MSH4: variants seen among roughly 807,000 people sequenced by gnomAD.
MSH4 encodes the protein mutS homolog 4, also known as mutS protein homolog 4.
In MSH4, 106 loss-of-function variants were observed where a neutral mutation model predicts 113.7. The observed-to-expected ratio is 0.93, with a 90% CI of 0.80 to 1.10. The LOEUF is 1.10. MSH4 is among the 50% of genes least tolerant of loss of function. MSH4 has a pLI of 0.00. For synonymous variants in MSH4, 368 were observed against 380.2 expected (o/e 0.97, Z 0.37); for missense variants, 1,061 against 1,093.7 (o/e 0.97, Z 0.42).
chr1:75,817,994 C>A (rs1650327226), intron 6 of MSH4, among the ~76,000 whole-genome samples: 2 of 152,176 alleles, frequency 1.3e-5, no homozygotes, highest in African/African-American at 4.8e-5. Context: ...ATCTAGCCTT[C>A]AGAGTATATA....
intron 7 of MSH4, among the ~76,000 whole-genome samples, chr1:75,834,877 C>T (rs750974108): frequency 3.3e-5 from 5 of 152,140 alleles, no homozygotes; most frequent in African/African-American, 4.8e-5. Context: ...ACATATGTAA[C>T]AAACCTGCAC....
At chr1:75,845,034 G>A (rs1651046514) in intron 7 of MSH4, among the ~76,000 whole-genome samples, 1 of 152,210 alleles carries the variant, frequency 6.6e-6, no homozygotes, top group Admixed American at 6.5e-5. Flanking sequence ...TCCAGAACAA[G>A]TAACCCACTT....
chr1:75,848,251 T>C lies in MSH4; in HGVS notation c.1205T>C (p.Leu402Ser), dbSNP rs1651117018. ...FLDTEQLLSV[L>S]VQIPKQDTVN... ...GATACAGAGCAGCTTCTTTCTGTTTTAGTCCAAATTCCAAAGCAAGACACG... is the reference window on the plus strand; with the variant it reads ...GATACAGAGCAGCTTCTTTCTGTTTCAGTCCAAATTCCAAAGCAAGACACG... The change falls in exon 8 of 20, where the codon TTA becomes TCA. Residue 402 changes from leucine (L) to serine (S), a missense_variant. Coordinates refer to ENST00000263187, the MANE Select transcript of MSH4 (RefSeq NM_002440.4). The C allele has an allele frequency of 8.1e-6, 13 of 1,608,634 alleles. No homozygotes were observed. The highest frequency in any genetic ancestry group is 1.1e-5 in the Non-Finnish European group (13 of 1,175,858).
chr1:75,885,074 T>C (rs1454617032), intron 15 of MSH4, among the ~76,000 whole-genome samples: 1 of 141,944 alleles, frequency 7.0e-6, no homozygotes, highest in Non-Finnish European at 1.5e-5. Flanking sequence ...TATATATATA[T>C]ACCAGCCAGG....
At chr1:75,881,160 G>T in intron 13 of MSH4, 86 bp from the exon 14 acceptor site, 2 of 1,020,998 alleles carry the variant, frequency 2.0e-6, no homozygotes, top group South Asian at 1.6e-5. Context: ...TTTACTTCAG[G>T]CAATGAATTT....
chr1:75,815,184 A>G lies in MSH4; in HGVS notation c.815+48A>G, dbSNP rs112716056. ...TTTTTACTAGCCCACAGCTACCAAT[A>G]TCATATCAAGTAAGTTATAACTTAA... On this transcript the variant is annotated intron_variant, in intron 5 of 19. Transcript: ENST00000263187. The G allele has an allele frequency of 5.1e-6, 5 of 976,122 alleles. No individual in the cohort carries two copies. In the African/African-American group the frequency reaches 5.1e-5, roughly 10 times the overall value. 60.5% of individuals were successfully genotyped at this position (976,122 alleles called of 1,614,324 possible). A position where few individuals can be genotyped will look rare whatever the true frequency, so the allele number is the denominator to read the frequency against.
intron 19 of MSH4, among the ~76,000 whole-genome samples, chr1:75,912,019 A>G (rs1401302786): frequency 6.6e-6 from 1 of 152,126 alleles, no homozygotes; most frequent in African/African-American, 2.4e-5. Flanking sequence ...GGACTTCTAC[A>G]TTCCTGTTTT....
At chr1:75,886,722 A>G (rs1652128876) in intron 15 of MSH4, among the ~76,000 whole-genome samples, 1 of 138,068 alleles carries the variant, frequency 7.2e-6, no homozygotes, top group Admixed American at 7.8e-5. Context: ...ATATAAATGT[A>G]TACATTATAT....
intron 7 of MSH4, among the ~76,000 whole-genome samples, chr1:75,823,124 T>C (rs1331431305): frequency 6.6e-6 from 1 of 152,160 alleles, no homozygotes; most frequent in Non-Finnish European, 1.5e-5. Flanking sequence ...CAGTCCATGA[T>C]GGGCCTTGGC....
chr1:75,878,377 C>A, intron 11 of MSH4, 59 bp downstream of exon 11: 1 of 1,362,534 alleles, frequency 7.3e-7, no homozygotes, highest in Non-Finnish European at 9.9e-7. Flanking sequence ...TCAGGACATG[C>A]TGTCCTTTTT....
At chr1:75,893,676 G>A (rs1197120771) in intron 17 of MSH4, among the ~76,000 whole-genome samples, 2 of 152,156 alleles carry the variant, frequency 1.3e-5, no homozygotes, top group African/African-American at 4.8e-5. Flanking sequence ...TGACTATAAG[G>A]AGATACATTG....
intron 15 of MSH4, among the ~76,000 whole-genome samples, chr1:75,884,337 C>T (rs1030963769): frequency 6.6e-6 from 1 of 152,050 alleles, no homozygotes. Context: ...AAATGGCTGT[C>T]ACTGACCCAA....
At chr1:75,802,355 T>C (rs763766415) in intron 1 of MSH4, among the ~76,000 whole-genome samples, 2 of 152,214 alleles carry the variant, frequency 1.3e-5, no homozygotes, top group African/African-American at 2.4e-5. Context: ...TATGAAGCCC[T>C]GGAGGCCAAC....
intron 2 of MSH4, 133 bp from the exon 3 acceptor site, chr1:75,806,848 T>C (rs945522444): frequency 1.1e-5 from 8 of 726,066 alleles, no homozygotes; most frequent in Non-Finnish European, 1.5e-5. Flanking sequence ...TAGGGAGAAT[T>C]GAAATAAGAG....
intron 6 of MSH4, among the ~76,000 whole-genome samples, chr1:75,820,743 A>G (rs1380045217): frequency 1.3e-5 from 2 of 152,082 alleles, no homozygotes; most frequent in Non-Finnish European, 1.5e-5. Context: ...GTGGTCTATC[A>G]ATTTTGTTTA....
intron 15 of MSH4, among the ~76,000 whole-genome samples, chr1:75,886,752 T>G (rs1322877722): frequency 7.1e-6 from 1 of 140,142 alleles, no homozygotes; most frequent in East Asian, 2.1e-4. Flanking sequence ...TTATATACAT[T>G]ATATATAAAA....
intron 11 of MSH4, 74 bp from the exon 12 acceptor site, chr1:75,878,918 A>T: frequency 7.5e-7 from 1 of 1,329,160 alleles, no homozygotes; most frequent in South Asian, 1.3e-5. Flanking sequence ...GTGACTCTTT[A>T]AAACAGAGTG....
chr1:75,840,184 A>C (rs1650922015), intron 7 of MSH4, among the ~76,000 whole-genome samples: 1 of 148,866 alleles, frequency 6.7e-6, no homozygotes, highest in African/African-American at 2.5e-5. Flanking sequence ...TACCCAAAGG[A>C]CTATAAATCA....
chr1:75,803,827 A>T lies in MSH4; in HGVS notation c.341A>T (p.Tyr114Phe). The change falls in exon 2 of 20, where the codon TAT (tyrosine) becomes TTT (phenylalanine). Residue 114 changes from tyrosine (Y) to phenylalanine (F), a missense_variant. Tyr to Phe is a conservative substitution (Grantham distance 22). Coordinates refer to ENST00000263187, the MANE Select transcript of MSH4 (RefSeq NM_002440.4). ...TCATCTTCTGCACGAGATACTAATT[A>T]TCCTCAAACACTTAAAACTCCATTG... ...ASSSSARDTN[Y>F]PQTLKTPLST... is the part of the protein sequence containing the mutation. 1 of 1,604,970 alleles carries T rather than the reference A, an allele frequency of 6.2e-7. No individual in the cohort carries two copies. Among genetic ancestry groups the T allele is most frequent in the South Asian group, 1.1e-5 (1 of 89,270 alleles).
Sources: gnomAD v4.1 joint callset for allele counts (sites outside exome capture counted in the v4.1 genomes callset) on GRCh38, gnomAD v4.1.1 for gene constraint, MANE v1.5 for transcripts, NCBI Gene and HGNC (gene_info 2026-07-23, HGNC 2026-07-21) for gene names.